LRIG1: variants seen among roughly 807,000 people sequenced by gnomAD.
LRIG1 encodes leucine rich repeats and immunoglobulin like domains 1, also known as leucine-rich repeats and immunoglobulin-like domains protein 1.
A neutral mutation model predicts 99.2 loss-of-function variants in LRIG1; 48 were observed. The ratio of observed to expected loss-of-function variants is 0.48; its 90% confidence interval spans 0.38 to 0.62. The LOEUF is 0.62. Among genes scored for constraint, LRIG1 ranks in the 20% least tolerant of loss-of-function variants. LRIG1 has a pLI of 0.00. For synonymous variants in LRIG1, 772 were observed against 596.1 expected (o/e 1.29, Z -4.30); for missense variants, 1,646 against 1,434.4 (o/e 1.15, Z -2.38).
intron 3 of LRIG1, among the ~76,000 whole-genome samples, chr3:66,434,932 C>A (rs1371712649): frequency 6.6e-6 from 1 of 152,082 alleles, no homozygotes; most frequent in East Asian, 1.9e-4. Flanking sequence ...CACTCCTGGG[C>A]ATTTATCCCA....
chr3:66,492,418 T>A (rs1181380334), intron 1 of LRIG1, among the ~76,000 whole-genome samples: 7 of 152,184 alleles, frequency 4.6e-5, no homozygotes, highest in Non-Finnish European at 5.9e-5. Flanking sequence ...GTGAGTTGTT[T>A]TTTTTCTAAT....
At chr3:66,467,471 T>C (rs1007830622) in intron 1 of LRIG1, among the ~76,000 whole-genome samples, 1 of 151,436 alleles carries the variant, frequency 6.6e-6, no homozygotes, top group African/African-American at 2.4e-5. Context: ...ACCATTCTCC[T>C]GCCTCAGCCT....
At chr3:66,450,842 T>TG (rs1163423290) in intron 3 of LRIG1, among the ~76,000 whole-genome samples, 1 of 152,222 alleles carries the variant, frequency 6.6e-6, no homozygotes, top group African/African-American at 2.4e-5. Flanking sequence ...AGAAAACTGT[T>TG]GGACTCATGG....
At chr3:66,450,540 A>G (rs117290366) in intron 3 of LRIG1, among the ~76,000 whole-genome samples, 1 of 152,246 alleles carries the variant, frequency 6.6e-6, no homozygotes, top group East Asian at 1.9e-4. Context: ...TAAACCCAAG[A>G]CCATGTTTCA....
Position 66,405,725 on chromosome 3 carries a change from C to T in LRIG1, c.1080-447G>A, listed in dbSNP as rs191435134. ...GCACATGGAAGAAAGAGACCCGGCA[C>T]AGGGCCGGCCCGTGGGCGCCTCCGT... is the stretch of plus-strand genomic sequence containing the variant. On this transcript the variant is annotated intron_variant, in intron 8 of 18. Transcript: ENST00000273261. 10,540 of 1,109,088 alleles carry T rather than the reference C, an allele frequency of 9.5e-3. 77 individuals are homozygous for T. The highest frequency in any genetic ancestry group is 0.011 in the Non-Finnish European group (9,738 of 898,136). The allele number at this position is 1,109,088 out of a possible 1,614,324, so 68.7% of individuals were successfully genotyped here.
At chr3:66,455,904 A>G (rs1485778148) in intron 2 of LRIG1, among the ~76,000 whole-genome samples, 2 of 152,260 alleles carry the variant, frequency 1.3e-5, no homozygotes, top group Non-Finnish European at 2.9e-5. Context: ...AATAAAGGTG[A>G]ACATCTACTA....
At chr3:66,383,557 T>C (rs776883492) in intron 14 of LRIG1, among the ~76,000 whole-genome samples, 156 bp from the exon 15 acceptor site, 11 of 152,310 alleles carry the variant, frequency 7.2e-5, no homozygotes, top group East Asian at 1.9e-4. Flanking sequence ...CTTCAACTCA[T>C]TGACTGAGTC....
At position 66,380,168 on chromosome 3, in the gene LRIG1, C is replaced by CAGAT; in HGVS notation, c.*91_*94dup. 6.3e-6 allele frequency: 6 copies of CAGAT among 959,526 alleles called. No individual in the cohort carries two copies. In the South Asian group the frequency reaches 9.9e-5, roughly 16 times the overall value. The allele number at this position is 959,526 out of a possible 1,614,324, so 59.4% of individuals were successfully genotyped here. A position where few individuals can be genotyped will look rare whatever the true frequency, so the allele number is the denominator to read the frequency against. ...TCCACATGGGAGTTACAACTATGTA[C>CAGAT]AGATGAGTGACGCTTGAACCCAAGC... On this transcript the variant is annotated 3_prime_UTR_variant, in exon 19 of 19. Transcript: ENST00000273261.
At chr3:66,422,775 C>T (rs771026593) in intron 3 of LRIG1, among the ~76,000 whole-genome samples, 12 of 152,172 alleles carry the variant, frequency 7.9e-5, no homozygotes, top group Non-Finnish European at 1.2e-4. Flanking sequence ...TTATTTTTCA[C>T]GCTGCTGATA....
chr3:66,494,591 T>C (rs1289482431), intron 1 of LRIG1, among the ~76,000 whole-genome samples: 2 of 152,242 alleles, frequency 1.3e-5, no homozygotes, highest in Non-Finnish European at 2.9e-5. Context: ...ATTGAAGTTA[T>C]AACTTGTGTT....
At chr3:66,406,358 T>C in intron 8 of LRIG1, 2 of 985,586 alleles carry the variant, frequency 2.0e-6, no homozygotes, top group Non-Finnish European at 2.4e-6. Flanking sequence ...CCAAAGTTTT[T>C]CTCTCCTTTC....
At chr3:66,442,944 G>A (rs2106782304) in intron 3 of LRIG1, among the ~76,000 whole-genome samples, 1 of 152,076 alleles carries the variant, frequency 6.6e-6, no homozygotes, top group East Asian at 1.9e-4. Flanking sequence ...CATCTGGCTG[G>A]CTCACCACCC....
At chr3:66,432,519 A>G (rs1261630526) in intron 3 of LRIG1, among the ~76,000 whole-genome samples, 1 of 152,126 alleles carries the variant, frequency 6.6e-6, no homozygotes, top group Non-Finnish European at 1.5e-5. Context: ...CGCTCTTAAC[A>G]TCTTCCCTCA....
At chr3:66,395,171 G>C (rs1000231128) in intron 11 of LRIG1, among the ~76,000 whole-genome samples, 7 of 152,280 alleles carry the variant, frequency 4.6e-5, no homozygotes, top group African/African-American at 1.7e-4. Flanking sequence ...CTGGGAAAGA[G>C]AGCACACAGG....
At position 66,454,756 on chromosome 3, in the gene LRIG1, C is replaced by T. The variant is rs953131595; in HGVS notation, c.291-3123G>A. Among the ~76,000 whole-genome samples, 5 of 152,154 alleles carry T rather than the reference C, an allele frequency of 3.3e-5. No individual in the cohort carries two copies. The East Asian group carries it at 9.6e-4, about 29-fold the overall frequency. ...GGGTGGGTCCTTTCCCAATTCAATC[C>T]GTAAGGTCAGCTTGGACCTTCTGGT... On this transcript the variant is annotated intron_variant, in intron 2 of 18. Coordinates refer to ENST00000273261, the MANE Select transcript of LRIG1 (RefSeq NM_015541.3).
chr3:66,406,170 T>A, intron 8 of LRIG1: 1 of 985,422 alleles, frequency 1.0e-6, no homozygotes, highest in Non-Finnish European at 1.2e-6. Flanking sequence ...AAGAGTGAAA[T>A]GCTGGCGGTG....
chr3:66,396,235 C>T (rs1031688446), intron 11 of LRIG1, among the ~76,000 whole-genome samples: 1 of 152,282 alleles, frequency 6.6e-6, no homozygotes, highest in South Asian at 2.1e-4. Context: ...TGAGAGGATA[C>T]ATGGGGAGGG....
intron 9 of LRIG1, chr3:66,404,112 T>C: frequency 2.0e-6 from 1 of 491,928 alleles, no homozygotes; most frequent in Non-Finnish European, 3.6e-6. Flanking sequence ...GCTCAAGAAG[T>C]ACCTTCTTCA....
chr3:66,500,952 C>G lies in LRIG1; in HGVS notation c.-545G>C, dbSNP rs866580691. ...GAGAGCGCGCGCGCGCGCGCAGCCT[C>G]GGGTTCCGCACGGCTCCTCCGCGCA... On this transcript the variant is annotated 5_prime_UTR_variant, in exon 1 of 19. Coordinates refer to ENST00000273261, the MANE Select transcript of LRIG1 (RefSeq NM_015541.3). 1 of 151,940 alleles carries G rather than the reference C, an allele frequency of 6.6e-6. No individual in the cohort carries two copies. The highest frequency in any genetic ancestry group is 1.5e-5 in the Non-Finnish European group (1 of 68,012). 9.4% of individuals were successfully genotyped at this position (151,940 alleles called of 1,614,324 possible).
Sources: gnomAD v4.1 joint callset for allele counts (sites outside exome capture counted in the v4.1 genomes callset) on GRCh38, gnomAD v4.1.1 for gene constraint, MANE v1.5 for transcripts, NCBI Gene and HGNC (gene_info 2026-07-23, HGNC 2026-07-21) for gene names.